LGALS9C: variants seen among roughly 807,000 people sequenced by gnomAD.
LGALS9C encodes galectin 9C.
A neutral mutation model predicts 41.3 loss-of-function variants in LGALS9C; 7 were observed. That is an observed-to-expected ratio of 0.17 (90% confidence interval 0.10 to 0.32). The LOEUF (loss-of-function observed/expected upper bound fraction) is 0.32. Ranked by LOEUF, LGALS9C falls within the 10% of genes least tolerant of loss-of-function variation. LGALS9C has a pLI of 1.00. For synonymous variants in LGALS9C, 44 were observed against 171.0 expected, an observed-to-expected ratio of 0.26 and a Z score of 5.80; for missense variants, 102 against 455.2, an observed-to-expected ratio of 0.22 and a Z score of 7.06.
chr17:18,483,175 G>A lies in LGALS9C; in HGVS notation c.40-700G>A, dbSNP rs868371331. On this transcript the variant is annotated intron_variant, in intron 1 of 10. Coordinates refer to ENST00000328114, the MANE Select transcript of LGALS9C (RefSeq NM_001040078.3). ...TGGCCCATAGCTCCTTTAAAGAGGC[G>A]CGGAAGAGAGAATTTGACAAAGTGC... Among the ~76,000 whole-genome samples, 663 of 123,182 alleles carry A rather than the reference G, an allele frequency of 5.4e-3. 2 individuals are homozygous for A. The highest frequency in any genetic ancestry group is 0.025 in the Middle Eastern group (6 of 242). The allele number at this position is 123,182 out of a possible 152,430, so 80.8% of individuals were successfully genotyped here. A position where few individuals can be genotyped will look rare whatever the true frequency, so the allele number is the denominator to read the frequency against.
At position 18,493,887 on chromosome 17, in the gene LGALS9C, G is replaced by C. The variant is rs1173457325; in HGVS notation, c.925-334G>C. Among the ~76,000 whole-genome samples the C allele has an allele frequency of 5.7e-5, 8 of 140,638 alleles. 1 individual carries two copies. Among genetic ancestry groups the C allele is most frequent in the Non-Finnish European group, 1.3e-4 (8 of 61,272 alleles). The allele number at this position is 140,638 out of a possible 152,430, so 92.3% of individuals were successfully genotyped here. On this transcript the variant is annotated intron_variant, in intron 10 of 10. Coordinates refer to ENST00000328114, the MANE Select transcript of LGALS9C (RefSeq NM_001040078.3). ...ACATTTGTACCCTGACTGCCTCATG[G>C]AGAAGGCATTGGGGTGGAAAAGACA...
intron 10 of LGALS9C, among the ~76,000 whole-genome samples, chr17:18,493,937 G>T (rs1455081993): frequency 3.7e-3 from 475 of 129,924 alleles, no homozygotes; most frequent in African/African-American, 7.0e-3. Flanking sequence ...TGCTGCAGGA[G>T]CCCAGGCCCA....
At chr17:18,487,818 G>A (rs571437781) in intron 4 of LGALS9C, 61 bp downstream of exon 4, 1 of 1,581,160 alleles carries the variant, frequency 6.3e-7, no homozygotes, top group Admixed American at 1.7e-5. Flanking sequence ...GCGTAGCTGT[G>A]CTTAGGCCCA....
chr17:18,487,773 T>C lies in LGALS9C; in HGVS notation c.444+16T>C, dbSNP rs766289047. 47 of 1,577,332 alleles carry C rather than the reference T, an allele frequency of 3.0e-5. 3 individuals carry two copies. In the South Asian group the frequency reaches 5.0e-4, roughly 17 times the overall value. On this transcript the variant is annotated intron_variant, in intron 4 of 10. Coordinates refer to ENST00000328114, the MANE Select transcript of LGALS9C (RefSeq NM_001040078.3). ...CAGCTTCCAGGTCAGACTGTCCACC[T>C]GGCACCGGTCCCAGGGGCTGGGATG...
rs566337792 is a variant in LGALS9C, at chr17:18,494,062, G to A, written c.925-159G>A. On this transcript the variant is annotated intron_variant, in intron 10 of 10. Coordinates refer to ENST00000328114, the MANE Select transcript of LGALS9C (RefSeq NM_001040078.3). ...GGGAACAGTACAGGGGAAGGAGCAC[G>A]CACAGCCTGTTTAGTGAAGAGCCGG... Among the ~76,000 whole-genome samples, 8 of 128,356 alleles carry A rather than the reference G, an allele frequency of 6.2e-5. No homozygotes were observed. The East Asian group carries it at 1.4e-3, about 22-fold the overall frequency. The allele number at this position is 128,356 out of a possible 152,430, so 84.2% of individuals were successfully genotyped here. A position where few individuals can be genotyped will look rare whatever the true frequency, so the allele number is the denominator to read the frequency against.
chr17:18,492,921 G>A lies in LGALS9C; in HGVS notation c.924+62G>A, dbSNP rs1295898184. 2.3e-5 allele frequency: 33 copies of A among 1,409,436 alleles called. 2 individuals are homozygous for A. Among genetic ancestry groups the A allele is most frequent in the Non-Finnish European group, 2.9e-5 (30 of 1,018,506 alleles). The allele number at this position is 1,409,436 out of a possible 1,614,324, so 87.3% of individuals were successfully genotyped here. On this transcript the variant is annotated intron_variant, in intron 10 of 10. Coordinates refer to ENST00000328114, the MANE Select transcript of LGALS9C (RefSeq NM_001040078.3). ...ATGGGTACACGGGGAGGGGGTAAAG[G>A]AGGTCTGGGGTACCTTGAACAGGAT... is the stretch of plus-strand genomic sequence containing the variant.
chr17:18,491,514 T>G (rs1435675648), intron 7 of LGALS9C, among the ~76,000 whole-genome samples, 191 bp downstream of exon 7: 1 of 141,126 alleles, frequency 7.1e-6, no homozygotes, highest in Non-Finnish European at 1.6e-5. Context: ...TCTGGATTTA[T>G]CCAGTGGTGG....
intron 1 of LGALS9C, among the ~76,000 whole-genome samples, chr17:18,481,901 T>G (rs981339161): frequency 7.2e-6 from 1 of 139,230 alleles, no homozygotes; most frequent in African/African-American, 2.5e-5. Flanking sequence ...GTGGGTGTTT[T>G]CTGTTTGGCC....
rs1418058373 is a variant in LGALS9C at position 18,483,928 on chromosome 17, C to A, written c.93C>A (p.Ile31=). 2.2e-6 allele frequency: 3 copies of A among 1,367,080 alleles called. No individual in the cohort carries two copies. The Admixed American group carries it at 5.5e-5, about 25-fold the overall frequency. The allele number at this position is 1,367,080 out of a possible 1,614,324, so 84.7% of individuals were successfully genotyped here. Residue 31 remains isoleucine, a synonymous_variant, in exon 2 of 11, where the codon ATC becomes ATA. Transcript: ENST00000328114. ...IQGGLQDGFQ[I]TVNGAVLSCS... is the part of the protein sequence containing the mutation. ...GGGGTCTCCAGGACGGATTTCAGAT[C>A]ACTGTCAATGGGGCCGTTCTCAGCT...
At chr17:18,479,601 C>A (rs1224007527) in intron 1 of LGALS9C, among the ~76,000 whole-genome samples, 2 of 119,994 alleles carry the variant, frequency 1.7e-5, no homozygotes, top group African/African-American at 2.6e-5. Flanking sequence ...GGGAGGCGAG[C>A]CCAGGCCCAT....
intron 7 of LGALS9C, 23 bp downstream of exon 7, chr17:18,491,346 G>A (rs1489140092): frequency 6.7e-7 from 1 of 1,484,826 alleles, no homozygotes. Context: ...GTTCTGATCA[G>A]TTCACAGCTG....
Position 18,476,909 on chromosome 17 carries a change from G to T in LGALS9C, c.39+16G>T. ...TCTGAGCCCAGTGAGTTCCGGGGCCGTGGGCACAGGGCTGCCTCAGCCAGG... is the reference window on the plus strand; with the variant it reads ...TCTGAGCCCAGTGAGTTCCGGGGCCTTGGGCACAGGGCTGCCTCAGCCAGG... On this transcript the variant is annotated intron_variant, in intron 1 of 10. Transcript: ENST00000328114. 1 of 1,597,550 alleles carries T rather than the reference G, an allele frequency of 6.3e-7. No homozygotes were observed. The highest frequency in any genetic ancestry group is 1.1e-5 in the South Asian group (1 of 90,354).
chr17:18,478,156 C>T (rs8067417), intron 1 of LGALS9C, among the ~76,000 whole-genome samples: 7,734 of 128,826 alleles, frequency 0.06, 346 homozygotes, highest in African/African-American at 0.13. Flanking sequence ...AATGGGCTGC[C>T]GGTGTTGGGC....
Position 18,483,096 on chromosome 17 carries a change from G to A in LGALS9C, c.40-779G>A, listed in dbSNP as rs1259808314. On this transcript the variant is annotated intron_variant, in intron 1 of 10. Transcript: ENST00000328114. ...GGCCACTCAGGTCAGGAGCAGCAGA[G>A]TTAGGATTCAGACCTGGAGTCGGCC... Among the ~76,000 whole-genome samples the A allele has an allele frequency of 1.6e-5, 2 of 125,558 alleles. 1 individual carries two copies. Among genetic ancestry groups the A allele is most frequent in the Non-Finnish European group, 3.8e-5 (2 of 52,184 alleles). The allele number at this position is 125,558 out of a possible 152,430, so 82.4% of individuals were successfully genotyped here. A position where few individuals can be genotyped will look rare whatever the true frequency, so the allele number is the denominator to read the frequency against.
At chr17:18,477,130 T>C (rs1989235020) in intron 1 of LGALS9C, among the ~76,000 whole-genome samples, 1 of 134,862 alleles carries the variant, frequency 7.4e-6, no homozygotes, top group Admixed American at 7.2e-5. Flanking sequence ...TTGGCTGAGC[T>C]GTCCTGTCCT....
At chr17:18,482,691 C>A (rs1363185422) in intron 1 of LGALS9C, among the ~76,000 whole-genome samples, 37 of 139,620 alleles carry the variant, frequency 2.7e-4, no homozygotes, top group Middle Eastern at 3.6e-3. Context: ...GACTCATACA[C>A]ATCACCTGCC....
At position 18,478,358 on chromosome 17, in the gene LGALS9C, G is replaced by A. The variant is rs964853407; in HGVS notation, c.39+1465G>A. Among the ~76,000 whole-genome samples the A allele has an allele frequency of 2.6e-4, 31 of 120,090 alleles. 4 individuals carry two copies. The highest frequency in any genetic ancestry group is 4.1e-4 in the Admixed American group (5 of 12,320). The allele number at this position is 120,090 out of a possible 152,430, so 78.8% of individuals were successfully genotyped here. A position where few individuals can be genotyped will look rare whatever the true frequency, so the allele number is the denominator to read the frequency against. On this transcript the variant is annotated intron_variant, in intron 1 of 10. Transcript: ENST00000328114. ...TCAGAGAGTTTGAGAGAGTTAAAGC[G>A]GGGCCTTGGAGCTCAGACAAGAAAG...
chr17:18,492,458 C>G lies in LGALS9C; in HGVS notation c.674C>G (p.Pro225Arg). The G allele has an allele frequency of 6.6e-7, 1 of 1,524,032 alleles. No homozygotes were observed. The highest frequency in any genetic ancestry group is 9.0e-7 in the Non-Finnish European group (1 of 1,107,298). 94.4% of individuals were successfully genotyped at this position (1,524,032 alleles called of 1,614,324 possible). ...GACCTGTCCCCGTCCTTCTGACAGC[C>G]GATGCCTTTCATCACCACCATTCCG... ...PPMMYPHPAYPMPFITTIPGG... is the reference protein window; with the variant it reads ...PPMMYPHPAYRMPFITTIPGG... Residue 225 changes from proline to arginine, a missense_variant and splice_region_variant, in exon 9 of 11, where the codon CCG becomes CGG. Coordinates refer to ENST00000328114, the MANE Select transcript of LGALS9C (RefSeq NM_001040078.3).
intron 10 of LGALS9C, among the ~76,000 whole-genome samples, 167 bp from the exon 11 acceptor site, chr17:18,494,054 A>G (rs1989914367): frequency 8.0e-6 from 1 of 125,414 alleles, no homozygotes; most frequent in Admixed American, 7.7e-5. Flanking sequence ...GTACAGGGGA[A>G]GGAGCACGCA....
Sources: allele counts gnomAD v4.1 joint callset (sites outside exome capture counted in the v4.1 genomes callset), GRCh38; gene constraint gnomAD v4.1.1; transcripts MANE v1.5; gene names NCBI Gene and HGNC (gene_info 2026-07-23, HGNC 2026-07-21).